ADK: variants seen among roughly 807,000 people sequenced by gnomAD.
ADK encodes N6,N6-dimethyladenosine kinase.
A neutral mutation model predicts 44.7 loss-of-function variants in ADK; 24 were observed. The observed-to-expected ratio is 0.54, with a 90% CI of 0.39 to 0.76. ADK has a LOEUF of 0.76. Among genes scored for constraint, ADK ranks in the 30% least tolerant of loss-of-function variants. The pLI is 0.00. For synonymous variants in ADK, 128 were observed against 142.6 expected (o/e 0.90, Z 0.73); for missense variants, 321 against 425.1 (o/e 0.76, Z 2.15).
intron 6 of ADK, among the ~76,000 whole-genome samples, chr10:74,400,165 A>G (rs1386981592): frequency 6.6e-6 from 1 of 152,128 alleles, no homozygotes; most frequent in Non-Finnish European, 1.5e-5. Context: ...AATAAGGCAA[A>G]TGATATTATT....
intron 7 of ADK, among the ~76,000 whole-genome samples, chr10:74,538,622 A>G (rs556547986): frequency 6.6e-6 from 1 of 152,316 alleles, no homozygotes; most frequent in Non-Finnish European, 1.5e-5. Flanking sequence ...AAATGTCTTT[A>G]GGTTTGTTAT....
chr10:74,621,260 A>G (rs1457059476), intron 9 of ADK, among the ~76,000 whole-genome samples: 1 of 152,156 alleles, frequency 6.6e-6, no homozygotes, highest in Non-Finnish European at 1.5e-5. Flanking sequence ...CTAGGAGTCT[A>G]GTTCCATTCT....
intron 9 of ADK, among the ~76,000 whole-genome samples, chr10:74,658,267 G>A (rs1194948597): frequency 6.6e-6 from 1 of 152,092 alleles, no homozygotes. Context: ...AAAAAATATT[G>A]CCTTTTCTAT....
chr10:74,575,734 C>T (rs998791579), intron 7 of ADK, among the ~76,000 whole-genome samples: 28 of 152,048 alleles, frequency 1.8e-4, no homozygotes, highest in Non-Finnish European at 2.9e-4. Context: ...GAACTTTTAT[C>T]AGGAAGCAGT....
At chr10:74,151,476 C>T in intron 1 of ADK, 133 bp downstream of exon 1, 1 of 975,186 alleles carries the variant, frequency 1.0e-6, no homozygotes, top group Non-Finnish European at 1.6e-6. Flanking sequence ...GGACCTCCCC[C>T]AGCTGCCCGC....
chr10:74,347,415 G>T (rs1288566713), intron 4 of ADK, among the ~76,000 whole-genome samples: 1 of 152,088 alleles, frequency 6.6e-6, no homozygotes, highest in Non-Finnish European at 1.5e-5. Flanking sequence ...TATGGTTTTT[G>T]CAATCCGCAG....
chr10:74,252,406 C>T (rs981244022), intron 3 of ADK, among the ~76,000 whole-genome samples: 3 of 152,100 alleles, frequency 2.0e-5, no homozygotes, highest in Non-Finnish European at 4.4e-5. Flanking sequence ...ATACTTATCA[C>T]TGAAAGAAAC....
intron 4 of ADK, among the ~76,000 whole-genome samples, chr10:74,316,250 AAGAG>A (rs1337325919): frequency 6.6e-6 from 1 of 151,986 alleles, no homozygotes; most frequent in African/African-American, 2.4e-5. Context: ...AAAAAAAAAA[AAGAG>A]AGAAAAAAAG....
intron 3 of ADK, among the ~76,000 whole-genome samples, chr10:74,228,290 A>G (rs912663011): frequency 6.6e-6 from 1 of 152,156 alleles, no homozygotes; most frequent in Non-Finnish European, 1.5e-5. Flanking sequence ...ATTATTCTAC[A>G]TACTGAAGAC....
intron 6 of ADK, among the ~76,000 whole-genome samples, chr10:74,487,919 T>A (rs1461236696): frequency 1.3e-5 from 2 of 152,100 alleles, no homozygotes; most frequent in East Asian, 3.8e-4. Context: ...ATAGTCATTC[T>A]ATTTAATCTT....
At chr10:74,585,005 G>A (rs1348975146) in intron 7 of ADK, among the ~76,000 whole-genome samples, 1 of 152,152 alleles carries the variant, frequency 6.6e-6, no homozygotes, top group Non-Finnish European at 1.5e-5. Context: ...CTCCTCCATA[G>A]TTGTCTTTCA....
chr10:74,621,810 A>G (rs1402433790), intron 9 of ADK, among the ~76,000 whole-genome samples: 2 of 152,084 alleles, frequency 1.3e-5, no homozygotes, highest in East Asian at 3.9e-4. Context: ...GTCCAATTAG[A>G]TCTAGGACTA....
At chr10:74,552,510 A>G (rs1336622807) in intron 7 of ADK, among the ~76,000 whole-genome samples, 3 of 152,034 alleles carry the variant, frequency 2.0e-5, no homozygotes, top group Admixed American at 6.6e-5. Flanking sequence ...ATGTTCTAAA[A>G]CTGGATTGTG....
chr10:74,442,992 G>T (rs1845477243), intron 6 of ADK, among the ~76,000 whole-genome samples: 1 of 152,170 alleles, frequency 6.6e-6, no homozygotes, highest in Non-Finnish European at 1.5e-5. Flanking sequence ...TAGAAAGTGT[G>T]GTTGGGGGAG....
chr10:74,541,898 CTT>C (rs1429323470), intron 7 of ADK, among the ~76,000 whole-genome samples: 1 of 146,678 alleles, frequency 6.8e-6, no homozygotes, highest in African/African-American at 2.5e-5. Flanking sequence ...GTAATACTAA[CTT>C]TGATCACATG....
At chr10:74,283,923 G>A (rs1326605612) in intron 3 of ADK, among the ~76,000 whole-genome samples, 4 of 151,176 alleles carry the variant, frequency 2.6e-5, no homozygotes, top group African/African-American at 7.3e-5. Context: ...CTTGTGATCC[G>A]CCTGCCTAGG....
At chr10:74,248,802 A>G (rs1845532128) in intron 3 of ADK, among the ~76,000 whole-genome samples, 1 of 152,224 alleles carries the variant, frequency 6.6e-6, no homozygotes, top group African/African-American at 2.4e-5. Flanking sequence ...TGGTCTCACC[A>G]TGATCACTGA....
At chr10:74,247,984 TG>T (rs1475050153) in intron 3 of ADK, among the ~76,000 whole-genome samples, 1 of 152,206 alleles carries the variant, frequency 6.6e-6, no homozygotes, top group Non-Finnish European at 1.5e-5. Context: ...TTGATGGATA[TG>T]TATTATTTCT....
intron 3 of ADK, among the ~76,000 whole-genome samples, chr10:74,287,529 G>T (rs1220989729): frequency 6.6e-6 from 1 of 151,864 alleles, no homozygotes; most frequent in African/African-American, 2.4e-5. Context: ...CTACGTTAAT[G>T]GACTGGCCAG....
Sources: gnomAD v4.1 joint callset for allele counts (sites outside exome capture counted in the v4.1 genomes callset) on GRCh38, gnomAD v4.1.1 for gene constraint, MANE v1.5 for transcripts, NCBI Gene and HGNC (gene_info 2026-07-23, HGNC 2026-07-21) for gene names.